L1CAM: variants seen among roughly 807,000 people sequenced by gnomAD.
The protein encoded by L1CAM is neural cell adhesion molecule L1.
In L1CAM, 8 loss-of-function variants were observed where a neutral mutation model predicts 93.0. The ratio of observed to expected loss-of-function variants is 0.09; its 90% confidence interval spans 0.05 to 0.16. L1CAM has a LOEUF of 0.16. Among genes scored for constraint, L1CAM ranks in the 10% least tolerant of loss-of-function variants. The pLI is 1.00. For synonymous variants in L1CAM, 453 were observed against 453.0 expected, an observed-to-expected ratio of 1.00 and a Z score of 0.00; for missense variants, 777 against 1,073.4, an observed-to-expected ratio of 0.72 and a Z score of 3.86.
intron 11 of L1CAM, 78 bp downstream of exon 11, chrX:153,869,442 G>A: frequency 8.9e-7 from 1 of 1,126,901 alleles, no homozygotes; most frequent in South Asian, 1.9e-5. Flanking sequence ...GCTGCCAGCT[G>A]AGCCACTCTG....
At chrX:153,867,149 C>T (rs1557091187) in intron 17 of L1CAM, 25 bp from the exon 18 acceptor site, 1 of 1,169,345 alleles carries the variant, frequency 8.6e-7, no homozygotes, top group East Asian at 3.0e-5. Flanking sequence ...ATTAACACAT[C>T]AATGCTGCAG....
chrX:153,884,395 G>A (rs782218287), intron 1 of L1CAM: 6 of 378,474 alleles, frequency 1.6e-5, no homozygotes, highest in African/African-American at 1.1e-4. Context: ...TTTTAGGAGC[G>A]CGGTGTAGCA....
At chrX:153,871,266 G>GGGGGGGGGGGGGGGGGC in intron 5 of L1CAM, 87 bp from the exon 6 acceptor site, 1 of 490,630 alleles carries the variant, frequency 2.0e-6, no homozygotes. Flanking sequence ...GGGGTGGCGG[G>GGGGGGGGGGGGGGGGGC]CTACACCAGG....
Position 153,862,909 on chromosome X carries a change from G to A in L1CAM, c.3543-15C>T, listed in dbSNP as rs201732197. 38 of 1,182,128 alleles carry A rather than the reference G, an allele frequency of 3.2e-5. No homozygotes were observed. The highest frequency in any genetic ancestry group is 4.6e-4 in the Middle Eastern group (2 of 4,309). On this transcript the variant is annotated splice_polypyrimidine_tract_variant and intron_variant, in intron 28 of 28. Transcript: ENST00000370060. ...CCTCGTTGTCACTGCAGAGGCACAG[G>A]GCAGGTGCGAGTGAGAGCACTGCCG...
intron 1 of L1CAM, among the ~76,000 whole-genome samples, chrX:153,878,109 A>G (rs781928156): frequency 1.8e-5 from 2 of 112,595 alleles, no homozygotes; most frequent in Non-Finnish European, 3.8e-5. Context: ...TTGTTAGGTG[A>G]CAGAGCTTGG....
rs200175336 is a variant in L1CAM at position 153,875,847 on chromosome X, G to A, written c.-11C>T. ...CAGCGCCACGACCATCTTTCCCGGCGGCACCGCGCAGCACAGCCAGCCGGG... is the reference window on the plus strand; with the variant it reads ...CAGCGCCACGACCATCTTTCCCGGCAGCACCGCGCAGCACAGCCAGCCGGG... On this transcript the variant is annotated 5_prime_UTR_variant, in exon 2 of 29. Transcript: ENST00000370060. The A allele has an allele frequency of 8.3e-6, 10 of 1,203,558 alleles. No individual in the cohort carries two copies. The African/African-American group carries it at 1.8e-4, about 21-fold the overall frequency.
intron 3 of L1CAM, 69 bp downstream of exon 3, chrX:153,873,159 C>G (rs1485750883): frequency 9.2e-7 from 1 of 1,090,055 alleles, no homozygotes; most frequent in Non-Finnish European, 1.3e-6. Flanking sequence ...GGGGTGCAGG[C>G]TCAGCTGAGG....
intron 1 of L1CAM, among the ~76,000 whole-genome samples, chrX:153,877,323 G>A (rs1210294101): frequency 1.0e-5 from 1 of 100,082 alleles, no homozygotes; most frequent in African/African-American, 3.7e-5. Context: ...AAAGCCAGGC[G>A]TGGTGGCTCA....
chrX:153,876,106 C>T, intron 1 of L1CAM, 162 bp from the exon 2 acceptor site: 3 of 444,628 alleles, frequency 6.7e-6, no homozygotes, highest in South Asian at 3.3e-5. Context: ...ATCCGCACCC[C>T]TCCCCACCTT....
Position 153,868,721 on chromosome X carries a change from G to C in L1CAM, c.1386C>G (p.Asp462Glu). Residue 462 changes from aspartate (D) to glutamate (E), a missense_variant, in exon 13 of 29, where the codon GAC (aspartate) becomes GAG (glutamate). Physicochemically the swap from Asp to Glu is conservative, Grantham distance 45. This residue lies in a region of L1CAM where 574 missense variants were observed against 781.0 expected (regional missense o/e 0.73). Transcript: ENST00000370060. ...CCTGAAGCACTGTTGTCCCATCCTC[G>C]TCCAGCCTGGAGGGAGCAGGGCGGG... Reference protein sequence around the residue: ...GAPVPSVQWLDEDGTTVLQDE... With the variant: ...GAPVPSVQWLEEDGTTVLQDE... 3 of 1,211,541 alleles carry C rather than the reference G, an allele frequency of 2.5e-6. No homozygotes were observed. Among genetic ancestry groups the C allele is most frequent in the Non-Finnish European group, 3.4e-6 (3 of 895,446 alleles).
chrX:153,863,878 G>C lies in L1CAM; in HGVS notation c.3457+5C>G. 1 of 1,212,118 alleles carries C rather than the reference G, an allele frequency of 8.3e-7. No homozygotes were observed. The highest frequency in any genetic ancestry group is 1.1e-6 in the Non-Finnish European group (1 of 895,379). On this transcript the variant is annotated splice_donor_5th_base_variant and intron_variant, in intron 26 of 28. Transcript: ENST00000370060. The stretch of plus-strand genomic sequence containing the variant: ...CACCCCCGTCACGTGGGGCTCAGAG[G>C]CTACCTGAGTATTTGCCGCCCTTGC...
intron 28 of L1CAM, among the ~76,000 whole-genome samples, chrX:153,863,098 G>A (rs1465855348): frequency 1.8e-5 from 2 of 112,245 alleles, no homozygotes; most frequent in East Asian, 5.6e-4. Context: ...GAGAAAATGT[G>A]CGCTCGGCCA....
At chrX:153,883,909 G>A (rs1557096292) in intron 1 of L1CAM, 1 of 340,158 alleles carries the variant, frequency 2.9e-6, no homozygotes, top group African/African-American at 2.6e-5. Context: ...AGGGCACACA[G>A]GCCTGTCTCC....
chrX:153,872,119 C>A, intron 5 of L1CAM, 33 bp downstream of exon 5: 2 of 1,145,224 alleles, frequency 1.7e-6, no homozygotes, highest in Non-Finnish European at 2.4e-6. Context: ...AACTCCGGGA[C>A]CTGCCCTCCC....
chrX:153,871,144 C>T lies in L1CAM; in HGVS notation c.436G>A (p.Val146Met), dbSNP rs199796566. 2.0e-5 allele frequency: 24 copies of T among 1,202,602 alleles called. No individual in the cohort carries two copies. Among genetic ancestry groups the T allele is most frequent in the East Asian group, 6.0e-5 (2 of 33,415 alleles). The change falls in exon 6 of 29, where the codon GTG becomes ATG. Residue 146 changes from valine to methionine, a missense_variant. By Grantham distance (21) the Val-to-Met change is conservative. This residue lies in a region of L1CAM where 574 missense variants were observed against 781.0 expected (regional missense o/e 0.73). Coordinates refer to ENST00000370060, the MANE Select transcript of L1CAM (RefSeq NM_001278116.2). ...PKWPKETVKP[V>M]EVEEGESVVL... Reference sequence around the variant, plus strand: ...ACTGACTCCCCTTCCTCCACCTCCACGGGCTTCACTGTCTCCTTTGGCCAC... The same window carrying T: ...ACTGACTCCCCTTCCTCCACCTCCATGGGCTTCACTGTCTCCTTTGGCCAC...
rs192561019 is a variant in L1CAM at position 153,875,542 on chromosome X, C to A, written c.76+219G>T. 5.5e-4 allele frequency: 278 copies of A among 501,269 alleles called. No homozygotes were observed. In the African/African-American group the frequency reaches 5.5e-3, roughly 10 times the overall value. 41.3% of individuals were successfully genotyped at this position (501,269 alleles called of 1,213,427 possible). A position where few individuals can be genotyped will look rare whatever the true frequency, so the allele number is the denominator to read the frequency against. On this transcript the variant is annotated intron_variant, in intron 2 of 28. Coordinates refer to ENST00000370060, the MANE Select transcript of L1CAM (RefSeq NM_001278116.2). ...GCTGAAATCGCCCCGGCGGCCGCGC[C>A]TGTCCCTGTCCATGGTCCTGACACG... is the stretch of plus-strand genomic sequence containing the variant.
chrX:153,878,155 C>T (rs182714198), intron 1 of L1CAM, among the ~76,000 whole-genome samples: 1 of 112,694 alleles, frequency 8.9e-6, no homozygotes, highest in Admixed American at 9.3e-5. Flanking sequence ...TTCATTAAAT[C>T]CATACTGTGC....
At position 153,872,319 on chromosome X, in the gene L1CAM, G is replaced by C; in HGVS notation, c.233C>G (p.Pro78Arg). The change falls in exon 5 of 29, where the codon CCC (proline) becomes CGC (arginine). Residue 78 changes from proline to arginine, a missense_variant. Coordinates refer to ENST00000370060, the MANE Select transcript of L1CAM (RefSeq NM_001278116.2). The stretch of plus-strand genomic sequence containing the variant: ...CACGGTCACACCCAGCTCTTCCTTG[G>C]GTTTGAAGTGGACACCATCCCTCGT... ...RWTRDGVHFK[P>R]KEELGVTVYQ... 8.3e-7 allele frequency: 1 copy of C among 1,208,540 alleles called. No individual in the cohort carries two copies. The highest frequency in any genetic ancestry group is 1.8e-5 in the South Asian group (1 of 56,537).
chrX:153,867,716 A>G (rs782223390), intron 16 of L1CAM, 84 bp downstream of exon 16: 5 of 986,839 alleles, frequency 5.1e-6, no homozygotes, highest in African/African-American at 3.8e-5. Context: ...CCCCCCAGGA[A>G]GGCTCCAGGA....
Sources: gnomAD v4.1 joint callset for allele counts (sites outside exome capture counted in the v4.1 genomes callset) on GRCh38, gnomAD v4.1.1 for gene constraint, gnomAD v4.1.1 regional missense constraint, MANE v1.5 for transcripts, NCBI Gene and HGNC (gene_info 2026-07-23, HGNC 2026-07-21) for gene names.